Variants in MAP7 observed in about 807,000 individuals in gnomAD.
The protein encoded by MAP7 is microtubule associated protein 7.
A neutral mutation model predicts 94.8 loss-of-function variants in MAP7; 52 were observed. The ratio of observed to expected loss-of-function variants is 0.55; its 90% CI spans 0.44 to 0.69. The LOEUF is 0.69. Ranked by LOEUF, MAP7 falls within the 30% of genes least tolerant of loss-of-function variation. The pLI is 0.00. For missense variants in MAP7, 940 were observed against 964.6 expected (o/e 0.97, Z 0.34); for synonymous variants, 350 against 357.0 (o/e 0.98, Z 0.22).
chr6:136,487,840 TTAA>T (rs1410623940), intron 1 of MAP7, among the ~76,000 whole-genome samples: 2 of 152,220 alleles, frequency 1.3e-5, no homozygotes, highest in African/African-American at 2.4e-5. Flanking sequence ...GTTCCAGTTG[TTAA>T]TGATGGCACA....
chr6:136,438,002 CAG>C (rs1372353693), intron 1 of MAP7, among the ~76,000 whole-genome samples: 6 of 152,166 alleles, frequency 3.9e-5, no homozygotes, highest in Non-Finnish European at 8.8e-5. Context: ...GGAAGGTCTA[CAG>C]AGAGTCTACT....
chr6:136,512,602 C>G (rs752011463), intron 1 of MAP7, among the ~76,000 whole-genome samples: 1 of 152,122 alleles, frequency 6.6e-6, no homozygotes, highest in East Asian at 1.9e-4. Flanking sequence ...ACAGTGCATA[C>G]AAAAGTTGTG....
chr6:136,499,394 C>T (rs1421807225), intron 1 of MAP7, among the ~76,000 whole-genome samples: 9 of 152,114 alleles, frequency 5.9e-5, no homozygotes, highest in African/African-American at 1.7e-4. Context: ...CATGCGATAA[C>T]CCCAAGGTAA....
At chr6:136,516,261 A>G (rs931387544) in intron 1 of MAP7, among the ~76,000 whole-genome samples, 6 of 151,964 alleles carry the variant, frequency 3.9e-5, no homozygotes, top group Admixed American at 3.9e-4. Context: ...CCTTGGGCTC[A>G]GGGGATTCTC....
chr6:136,549,862 C>G (rs1021266413), intron 1 of MAP7, among the ~76,000 whole-genome samples: 1 of 152,196 alleles, frequency 6.6e-6, no homozygotes, highest in Non-Finnish European at 1.5e-5. Context: ...ACACCGACCC[C>G]GCTGAGGAGC....
At chr6:136,379,792 G>T (rs778534732) in intron 6 of MAP7, among the ~76,000 whole-genome samples, 18 of 152,162 alleles carry the variant, frequency 1.2e-4, no homozygotes, top group Non-Finnish European at 2.6e-4. Flanking sequence ...TATCTCAAAT[G>T]ATTAAAAACC....
chr6:136,421,836 G>T (rs780422197), intron 1 of MAP7, 37 bp from the exon 2 acceptor site: 1 of 1,508,828 alleles, frequency 6.6e-7, no homozygotes, highest in South Asian at 1.2e-5. Flanking sequence ...GACACATTTA[G>T]TTTCTTAAAA....
chr6:136,485,087 G>A (rs1034671241), intron 1 of MAP7, among the ~76,000 whole-genome samples: 5 of 152,158 alleles, frequency 3.3e-5, no homozygotes, highest in African/African-American at 9.7e-5. Context: ...TTTACCAAGA[G>A]TGTGCTCTGA....
chr6:136,466,981 T>C (rs918404697), intron 1 of MAP7: 4 of 1,170,338 alleles, frequency 3.4e-6, no homozygotes, highest in Non-Finnish European at 4.5e-6. Flanking sequence ...CAGCCACTGT[T>C]TTTAAACAGT....
Position 136,383,737 on chromosome 6 carries a change from CAT to C in MAP7, c.569_570del (p.Tyr190CysfsTer2). 1 of 1,611,398 alleles carries C rather than the reference CAT, an allele frequency of 6.2e-7. No homozygotes were observed. The highest frequency in any genetic ancestry group is 1.3e-5 in the African/African-American group (1 of 74,856). On this transcript the variant is annotated frameshift_variant, in exon 6 of 18. Coordinates refer to ENST00000354570, the MANE Select transcript of MAP7 (RefSeq NM_003980.6). LOFTEE classifies it high-confidence loss of function. ...RSVSTMNLSK[Y>X]VDPVISKRLS... ...AGCCGCTTGCTAATGACGGGATCAA[CAT>C]ATTTCGAAAGATTCATGGTGGAAAC... is the stretch of plus-strand genomic sequence containing the variant.
chr6:136,438,461 G>C (rs971370296), intron 1 of MAP7, among the ~76,000 whole-genome samples: 19 of 152,194 alleles, frequency 1.2e-4, no homozygotes, highest in African/African-American at 4.6e-4. Flanking sequence ...GGGCTATCTG[G>C]AGAAGAACTA....
At chr6:136,366,677 G>A (rs1050697816) in intron 8 of MAP7, among the ~76,000 whole-genome samples, 1 of 152,154 alleles carries the variant, frequency 6.6e-6, no homozygotes, top group Non-Finnish European at 1.5e-5. Context: ...AGTCATATTT[G>A]TCAAAAAGCA....
chr6:136,485,820 C>T (rs1814546999), intron 1 of MAP7, among the ~76,000 whole-genome samples: 1 of 152,072 alleles, frequency 6.6e-6, no homozygotes, highest in Admixed American at 6.5e-5. Flanking sequence ...CCTCGGCCTC[C>T]CAAAGTGCTG....
chr6:136,425,277 C>T (rs965721289), intron 1 of MAP7, among the ~76,000 whole-genome samples: 2 of 152,162 alleles, frequency 1.3e-5, no homozygotes, highest in South Asian at 2.1e-4. Flanking sequence ...CCTCAAAAAG[C>T]GAAATCATGG....
At chr6:136,356,556 G>C in intron 16 of MAP7, 136 bp downstream of exon 16, 1 of 652,156 alleles carries the variant, frequency 1.5e-6, no homozygotes, top group Admixed American at 2.8e-5. Context: ...TTGGAGTACA[G>C]AATTACTAGC....
chr6:136,525,578 T>C (rs1827598931), intron 1 of MAP7, among the ~76,000 whole-genome samples: 1 of 152,132 alleles, frequency 6.6e-6, no homozygotes, highest in Non-Finnish European at 1.5e-5. Context: ...AAATTAAACA[T>C]CTCTAGGCCA....
At chr6:136,395,994 C>T (rs974706386) in intron 3 of MAP7, among the ~76,000 whole-genome samples, 1 of 151,984 alleles carries the variant, frequency 6.6e-6, no homozygotes, top group Non-Finnish European at 1.5e-5. Context: ...GAAGTCAGGT[C>T]GTACGATGCC....
chr6:136,356,843 T>G, intron 15 of MAP7, 49 bp from the exon 16 acceptor site: 1 of 1,464,736 alleles, frequency 6.8e-7, no homozygotes, highest in Non-Finnish European at 9.5e-7. Flanking sequence ...TATTCTTTTC[T>G]TAGACCTAAC....
chr6:136,457,026 T>TG (rs1803488177), intron 1 of MAP7, among the ~76,000 whole-genome samples: 1 of 148,248 alleles, frequency 6.7e-6, no homozygotes, highest in African/African-American at 2.5e-5. Flanking sequence ...GAAACAAAGT[T>TG]TTTTTTTTAA....
Sources: allele counts gnomAD v4.1 joint callset (sites outside exome capture counted in the v4.1 genomes callset), GRCh38; gene constraint gnomAD v4.1.1; transcripts MANE v1.5; gene names NCBI Gene and HGNC (gene_info 2026-07-23, HGNC 2026-07-21).